Variants in GRIK2 observed in about 807,000 individuals in gnomAD.
GRIK2 encodes glutamate receptor ionotropic, kainate 2.
A neutral mutation model predicts 100.3 loss-of-function variants in GRIK2; 32 were observed. The observed-to-expected ratio is 0.32, with a 90% CI of 0.24 to 0.43. GRIK2 has a LOEUF of 0.43. Ranked by LOEUF, GRIK2 falls within the 20% of genes least tolerant of loss-of-function variation. The probability of loss-of-function intolerance (pLI) is 1.00; values close to 1 mark genes in which losing one functional copy is unlikely to be tolerated. For synonymous variants in GRIK2, 417 were observed against 389.4 expected (o/e 1.07, Z -0.83); for missense variants, 843 against 1,114.9 (o/e 0.76, Z 3.47).
chr6:101,777,251 C>T (rs965359474), intron 7 of GRIK2, among the ~76,000 whole-genome samples: 3 of 152,190 alleles, frequency 2.0e-5, no homozygotes, highest in Admixed American at 6.5e-5. Context: ...TAGCAGCCAC[C>T]GCACACCTGC....
At chr6:102,018,634 A>G (rs1303643058) in intron 14 of GRIK2, among the ~76,000 whole-genome samples, 1 of 151,980 alleles carries the variant, frequency 6.6e-6, no homozygotes, top group African/African-American at 2.4e-5. Context: ...TGCTTCAGTA[A>G]TTTGTGGTTC....
At chr6:101,572,451 C>T (rs1021265556) in intron 2 of GRIK2, among the ~76,000 whole-genome samples, 2 of 152,032 alleles carry the variant, frequency 1.3e-5, no homozygotes, top group Admixed American at 1.3e-4. Context: ...ATGCTATAAG[C>T]ATTTTAAATA....
chr6:101,920,532 A>G (rs1789419402), intron 12 of GRIK2, among the ~76,000 whole-genome samples: 1 of 151,922 alleles, frequency 6.6e-6, no homozygotes, highest in East Asian at 1.9e-4. Context: ...CCCAAGGAGG[A>G]AAACAAATAC....
At chr6:101,735,746 C>A (rs2128374065) in intron 7 of GRIK2, among the ~76,000 whole-genome samples, 1 of 152,292 alleles carries the variant, frequency 6.6e-6, no homozygotes, top group African/African-American at 2.4e-5. Flanking sequence ...CAAACCATAT[C>A]ATTCCTCCCC....
chr6:101,567,361 T>C (rs1279299926), intron 2 of GRIK2, among the ~76,000 whole-genome samples: 1 of 151,958 alleles, frequency 6.6e-6, no homozygotes, highest in Non-Finnish European at 1.5e-5. Context: ...TCTTACAAGA[T>C]AAATGCCATA....
chr6:101,609,241 T>C (rs1189488335), intron 2 of GRIK2, among the ~76,000 whole-genome samples: 2 of 151,918 alleles, frequency 1.3e-5, no homozygotes, highest in Non-Finnish European at 2.9e-5. Context: ...TACATTTACA[T>C]TTTCCCTGGA....
At chr6:101,862,736 T>G (rs1006113871) in intron 11 of GRIK2, among the ~76,000 whole-genome samples, 3 of 152,130 alleles carry the variant, frequency 2.0e-5, no homozygotes, top group African/African-American at 7.2e-5. Context: ...CAAATACACT[T>G]GAAAAAATAA....
chr6:101,589,486 C>G (rs1778540781), intron 2 of GRIK2, among the ~76,000 whole-genome samples: 1 of 152,082 alleles, frequency 6.6e-6, no homozygotes, highest in Non-Finnish European at 1.5e-5. Flanking sequence ...CCAGTAAACA[C>G]CATTCTACTT....
chr6:101,885,196 A>G (rs1257104162), intron 11 of GRIK2, among the ~76,000 whole-genome samples: 1 of 152,150 alleles, frequency 6.6e-6, no homozygotes, highest in Non-Finnish European at 1.5e-5. Context: ...TACATGTTAA[A>G]TTACATGATT....
intron 2 of GRIK2, among the ~76,000 whole-genome samples, chr6:101,521,551 A>G (rs1304764460): frequency 6.6e-6 from 1 of 151,922 alleles, no homozygotes; most frequent in Non-Finnish European, 1.5e-5. Context: ...TAGTTTTAAA[A>G]TTTCTTTTGT....
intron 4 of GRIK2, among the ~76,000 whole-genome samples, chr6:101,662,809 C>T (rs1769726734): frequency 6.6e-6 from 1 of 152,076 alleles, no homozygotes; most frequent in Non-Finnish European, 1.5e-5. Flanking sequence ...CTCACCACCA[C>T]CACCCTATAA....
intron 7 of GRIK2, among the ~76,000 whole-genome samples, chr6:101,793,714 TGG>T (rs1469848090): frequency 6.6e-6 from 1 of 152,182 alleles, no homozygotes; most frequent in Admixed American, 6.5e-5. Flanking sequence ...AGCTGCCTGC[TGG>T]GAGAACCACT....
At chr6:101,585,079 G>A (rs767505791) in intron 2 of GRIK2, among the ~76,000 whole-genome samples, 5 of 151,896 alleles carry the variant, frequency 3.3e-5, no homozygotes, top group Non-Finnish European at 7.4e-5. Flanking sequence ...TCAGCTATAT[G>A]AATAATTGAG....
At chr6:101,982,961 G>A (rs1344956436) in intron 14 of GRIK2, among the ~76,000 whole-genome samples, 1 of 151,742 alleles carries the variant, frequency 6.6e-6, no homozygotes, top group Non-Finnish European at 1.5e-5. Flanking sequence ...GAGGAACAGG[G>A]AAGTTCCCTT....
intron 4 of GRIK2, among the ~76,000 whole-genome samples, chr6:101,629,273 T>G (rs1780600580): frequency 6.6e-6 from 1 of 152,274 alleles, no homozygotes; most frequent in African/African-American, 2.4e-5. Context: ...TAAGTGGTAA[T>G]GCTAACTTAG....
chr6:101,935,098 G>T (rs1195252476), intron 14 of GRIK2, among the ~76,000 whole-genome samples: 1 of 151,924 alleles, frequency 6.6e-6, no homozygotes, highest in Non-Finnish European at 1.5e-5. Flanking sequence ...TAGAAATCAG[G>T]TTATGTCTTT....
At chr6:101,881,796 T>G (rs986512786) in intron 11 of GRIK2, among the ~76,000 whole-genome samples, 1 of 151,840 alleles carries the variant, frequency 6.6e-6, no homozygotes, top group African/African-American at 2.4e-5. Context: ...AAGGCTGCAA[T>G]GAGCTATGAT....
intron 14 of GRIK2, 108 bp downstream of exon 14, chr6:101,928,740 C>A: frequency 1.5e-6 from 1 of 665,180 alleles, no homozygotes; most frequent in Admixed American, 2.2e-5. Context: ...GTGCACAATT[C>A]TTAATAATAG....
In GRIK2 at chr6:101,557,480, T is replaced by G. The variant is rs116726294; in HGVS notation, c.116-64469T>G. Among the ~76,000 whole-genome samples the G allele has an allele frequency of 1.4e-3, 218 of 152,336 alleles. 2 individuals are homozygous for G. Among genetic ancestry groups the G allele is most frequent in the African/African-American group, 5.1e-3 (212 of 41,576 alleles). On this transcript the variant is annotated intron_variant, in intron 2 of 16. Coordinates refer to ENST00000369134, the MANE Select transcript of GRIK2 (RefSeq NM_021956.5). ...TGCACAAAAGAGATGTGAGGCTTAT[T>G]ATTTTGCTACTTAACCACAGAACTT...
Sources: allele counts gnomAD v4.1 joint callset (sites outside exome capture counted in the v4.1 genomes callset), GRCh38; gene constraint gnomAD v4.1.1; transcripts MANE v1.5; gene names NCBI Gene and HGNC (gene_info 2026-07-23, HGNC 2026-07-21).